Variants in GOLM2 observed in about 807,000 individuals in gnomAD.
GOLM2 encodes the protein golgi membrane protein 2, also known as protein GOLM2.
In GOLM2, 26 loss-of-function variants were observed where a neutral mutation model predicts 55.9. The observed-to-expected ratio is 0.47, with a 90% CI of 0.34 to 0.65. The LOEUF (loss-of-function observed/expected upper bound fraction) is 0.65. GOLM2 is among the 30% of genes least tolerant of loss of function. The pLI, the probability that GOLM2 is intolerant of heterozygous loss-of-function variation, is 0.01. For missense variants in GOLM2, 486 were observed against 531.8 expected (o/e 0.91, Z 0.85); for synonymous variants, 165 against 194.6 (o/e 0.85, Z 1.27).
At chr15:44,370,856 T>C (rs1425960593) in intron 6 of GOLM2, among the ~76,000 whole-genome samples, 2 of 152,100 alleles carry the variant, frequency 1.3e-5, no homozygotes, top group Non-Finnish European at 2.9e-5. Flanking sequence ...ACACGAAGTC[T>C]CACTATGTTT....
intron 5 of GOLM2, 128 bp from the exon 6 acceptor site, chr15:44,338,109 A>G: frequency 1.0e-6 from 1 of 1,004,532 alleles, no homozygotes; most frequent in Non-Finnish European, 1.5e-6. Context: ...CTATGTCCAA[A>G]GCAAGAGGTA....
At chr15:44,376,136 A>C (rs985458284) in intron 6 of GOLM2, among the ~76,000 whole-genome samples, 9 of 152,206 alleles carry the variant, frequency 5.9e-5, no homozygotes, top group Admixed American at 1.3e-4. Flanking sequence ...GGGACGGCTG[A>C]GGCAGGAGAA....
intron 1 of GOLM2, among the ~76,000 whole-genome samples, chr15:44,305,378 C>T (rs982908043): frequency 1.3e-5 from 2 of 151,626 alleles, no homozygotes; most frequent in African/African-American, 4.9e-5. Flanking sequence ...CGGCTCACTA[C>T]AACCTCTACC....
intron 6 of GOLM2, among the ~76,000 whole-genome samples, chr15:44,357,745 A>G (rs1455034168): frequency 6.6e-6 from 1 of 152,212 alleles, no homozygotes; most frequent in African/African-American, 2.4e-5. Context: ...TCACTTTTCC[A>G]TATACCAGCA....
chr15:44,369,071 A>T (rs1198412796), intron 6 of GOLM2, among the ~76,000 whole-genome samples: 30 of 24,606 alleles, frequency 1.2e-3, no homozygotes, highest in African/African-American at 6.0e-3. Flanking sequence ...GATATATTAT[A>T]TATATATATA....
At chr15:44,293,327 AT>A (rs2078734286) in intron 1 of GOLM2, among the ~76,000 whole-genome samples, 1 of 152,194 alleles carries the variant, frequency 6.6e-6, no homozygotes, top group African/African-American at 2.4e-5. Flanking sequence ...CATAAGTATG[AT>A]GCATTTGTCA....
At chr15:44,379,508 G>A (rs1391990476) in intron 6 of GOLM2, among the ~76,000 whole-genome samples, 182 bp from the exon 7 acceptor site, 1 of 151,546 alleles carries the variant, frequency 6.6e-6, no homozygotes, top group African/African-American at 2.4e-5. Flanking sequence ...TGTGATGAAT[G>A]GTACAGTGTA....
intron 8 of GOLM2, 128 bp downstream of exon 8, chr15:44,381,104 A>C (rs1244282640): frequency 7.5e-6 from 4 of 534,948 alleles, no homozygotes; most frequent in Non-Finnish European, 8.7e-6. Context: ...GAAGGTATGA[A>C]AGTGTCAAAA....
chr15:44,336,359 C>T (rs971805975), intron 4 of GOLM2, among the ~76,000 whole-genome samples: 3 of 151,590 alleles, frequency 2.0e-5, no homozygotes, highest in South Asian at 4.2e-4. Flanking sequence ...CCTCGTGATC[C>T]GCCCACCTCG....
chr15:44,349,111 T>G (rs1420478427), intron 6 of GOLM2, among the ~76,000 whole-genome samples: 1 of 151,024 alleles, frequency 6.6e-6, no homozygotes, highest in Non-Finnish European at 1.5e-5. Flanking sequence ...AATACAAAAT[T>G]AGTGGGACGT....
At chr15:44,296,540 T>A (rs2078757970) in intron 1 of GOLM2, among the ~76,000 whole-genome samples, 1 of 152,196 alleles carries the variant, frequency 6.6e-6, no homozygotes, top group African/African-American at 2.4e-5. Context: ...GGGGAAAATT[T>A]TGGAATATAA....
chr15:44,357,770 T>C (rs867715120), intron 6 of GOLM2, among the ~76,000 whole-genome samples: 2 of 152,142 alleles, frequency 1.3e-5, no homozygotes, highest in African/African-American at 4.8e-5. Flanking sequence ...ACAAATAGAA[T>C]TTGGAATTAA....
chr15:44,384,027 T>C (rs181120407), intron 8 of GOLM2, among the ~76,000 whole-genome samples: 154 of 152,298 alleles, frequency 1.0e-3, no homozygotes, highest in African/African-American at 3.5e-3. Flanking sequence ...AGTTTTCCTC[T>C]TATATTGTCG....
chr15:44,365,228 T>C (rs2079275768), intron 6 of GOLM2, among the ~76,000 whole-genome samples: 1 of 152,064 alleles, frequency 6.6e-6, no homozygotes, highest in Admixed American at 6.6e-5. Context: ...TATTAAGACA[T>C]GAAAAGACTT....
At chr15:44,347,065 A>G (rs1316981279) in intron 6 of GOLM2, among the ~76,000 whole-genome samples, 1 of 152,164 alleles carries the variant, frequency 6.6e-6, no homozygotes, top group Non-Finnish European at 1.5e-5. Context: ...TCGAGATTGC[A>G]GTGAACTGTG....
chr15:44,317,582 G>A (rs2078919653), intron 1 of GOLM2, among the ~76,000 whole-genome samples: 1 of 152,060 alleles, frequency 6.6e-6, no homozygotes, highest in Non-Finnish European at 1.5e-5. Flanking sequence ...AGTTGTTGGT[G>A]TCAGGTTTTT....
intron 8 of GOLM2, among the ~76,000 whole-genome samples, chr15:44,381,627 T>C (rs1042074465): frequency 2.0e-5 from 3 of 152,192 alleles, no homozygotes; most frequent in African/African-American, 7.2e-5. Context: ...GTTTATTTAT[T>C]TATTTTTAAT....
chr15:44,390,191 T>G (rs967134279), intron 8 of GOLM2: 2 of 152,238 alleles, frequency 1.3e-5, no homozygotes, highest in Non-Finnish European at 2.9e-5. Context: ...AACTTTAGAA[T>G]GTAGGCTATG....
At chr15:44,372,899 G>C (rs149076288) in intron 6 of GOLM2, among the ~76,000 whole-genome samples, 1 of 152,054 alleles carries the variant, frequency 6.6e-6, no homozygotes, top group African/African-American at 2.4e-5. Flanking sequence ...GTCTTTGTTT[G>C]AATGTTCTTC....
Sources: gnomAD v4.1 joint callset for allele counts (sites outside exome capture counted in the v4.1 genomes callset) on GRCh38, gnomAD v4.1.1 for gene constraint, MANE v1.5 for transcripts, NCBI Gene and HGNC (gene_info 2026-07-23, HGNC 2026-07-21) for gene names.